Variants in KLHL32 observed in about 807,000 individuals in gnomAD.
KLHL32 encodes the protein kelch-like protein 32.
KLHL32 carries 35 observed loss-of-function variants against 64.8 expected under a neutral mutation model. The observed-to-expected ratio is 0.54, with a 90% confidence interval of 0.41 to 0.72. The LOEUF (loss-of-function observed/expected upper bound fraction) is 0.72, where lower values mean the gene tolerates loss of function less well. KLHL32 is among the 30% of genes least tolerant of loss of function. The pLI is 0.00. For synonymous variants in KLHL32, 259 were observed against 281.0 expected (o/e 0.92, Z 0.78); for missense variants, 589 against 768.5 (o/e 0.77, Z 2.76).
intron 5 of KLHL32, among the ~76,000 whole-genome samples, chr6:97,072,923 C>A (rs879476074): frequency 3.9e-5 from 6 of 152,144 alleles, no homozygotes; most frequent in South Asian, 2.1e-4. Context: ...GTTACTTAAC[C>A]TCTTTGCCCC....
chr6:96,964,625 C>T (rs542632041), intron 1 of KLHL32, among the ~76,000 whole-genome samples: 2 of 152,280 alleles, frequency 1.3e-5, no homozygotes, highest in South Asian at 4.1e-4. Flanking sequence ...TGCAGTCCAG[C>T]CTGGGCGACA....
intron 8 of KLHL32, among the ~76,000 whole-genome samples, chr6:97,130,185 A>G (rs746768059): frequency 3.9e-5 from 6 of 152,202 alleles, no homozygotes; most frequent in Non-Finnish European, 8.8e-5. Context: ...AACATTTTTC[A>G]TGTGCATTTT....
intron 3 of KLHL32, among the ~76,000 whole-genome samples, chr6:97,004,093 G>A (rs1306090664): frequency 1.3e-5 from 2 of 152,154 alleles, no homozygotes; most frequent in African/African-American, 2.4e-5. Flanking sequence ...TAACAATATT[G>A]ATTCTTCCTA....
chr6:97,105,157 G>A (rs1419843029), intron 6 of KLHL32, among the ~76,000 whole-genome samples: 2 of 152,020 alleles, frequency 1.3e-5, no homozygotes, highest in Non-Finnish European at 1.5e-5. Flanking sequence ...AGAATTCAAG[G>A]CATTATAAAA....
chr6:96,920,571 T>TACAC (rs141229379), upstream of KLHL32, among the ~76,000 whole-genome samples: 23 of 150,070 alleles, frequency 1.5e-4, no homozygotes, highest in Non-Finnish European at 2.2e-4. Context: ...CACACACAAT[T>TACAC]ACACACACAC....
intron 1 of KLHL32, among the ~76,000 whole-genome samples, chr6:96,951,494 G>T (rs894065177): frequency 6.6e-6 from 1 of 152,026 alleles, no homozygotes; most frequent in Non-Finnish European, 1.5e-5. Flanking sequence ...TGGACAGTGC[G>T]CCACCCCACA....
At chr6:96,937,968 T>A (rs561157772) in intron 1 of KLHL32, among the ~76,000 whole-genome samples, 16 of 152,368 alleles carry the variant, frequency 1.1e-4, no homozygotes, top group African/African-American at 3.1e-4. Flanking sequence ...CCGTGTCTCC[T>A]TCTCAGACTC....
chr6:97,083,859 A>C (rs1452929500), intron 5 of KLHL32, among the ~76,000 whole-genome samples: 1 of 152,176 alleles, frequency 6.6e-6, no homozygotes, highest in Non-Finnish European at 1.5e-5. Flanking sequence ...CATCACGTTA[A>C]TGGAAAATTT....
chr6:97,135,267 A>G (rs982032332), intron 10 of KLHL32, among the ~76,000 whole-genome samples: 2 of 149,818 alleles, frequency 1.3e-5, no homozygotes, highest in African/African-American at 4.9e-5. Flanking sequence ...TGGCTGGCAC[A>G]CTGGTCCTAC....
intron 6 of KLHL32, among the ~76,000 whole-genome samples, chr6:97,111,687 A>T (rs114232674): frequency 3.5e-4 from 53 of 152,272 alleles, no homozygotes; most frequent in Middle Eastern, 3.4e-3. Flanking sequence ...AGCTCAGTGG[A>T]GGGTCACCCT....
chr6:96,964,639 C>A (rs556163734), intron 1 of KLHL32, among the ~76,000 whole-genome samples: 204 of 152,174 alleles, frequency 1.3e-3, no homozygotes, highest in African/African-American at 4.7e-3. Flanking sequence ...GGCGACAGAG[C>A]GAAACCCTGT....
rs901798783 is a variant in KLHL32, at chr6:96,952,246, T to A, written c.-65-14750T>A. 1.3e-5 allele frequency among the ~76,000 whole-genome samples: 2 copies of A among 152,228 alleles called. 1 individual carries two copies. The highest frequency in any genetic ancestry group is 4.1e-4 in the South Asian group (2 of 4,834). On this transcript the variant is annotated intron_variant, in intron 1 of 10. Transcript: ENST00000369261. Reference sequence around the variant, plus strand: ...TTATCTTACTTGTTTTTATTAATGTTTCTTAAATGTATGTATAGCTCATAT... The same window carrying A: ...TTATCTTACTTGTTTTTATTAATGTATCTTAAATGTATGTATAGCTCATAT...
intron 3 of KLHL32, among the ~76,000 whole-genome samples, chr6:97,036,064 C>T (rs1737630): frequency 0.15 from 23,517 of 151,900 alleles, 2,262 homozygotes; most frequent in African/African-American, 0.28. Context: ...TAATTTTAAA[C>T]GACCAGTATT....
the KLHL32 span, among the ~76,000 whole-genome samples, chr6:96,902,741 A>G: frequency 6.6e-6 from 1 of 152,242 alleles, no homozygotes; most frequent in Admixed American, 6.5e-5. Context: ...TCAGTCTGTA[A>G]TCCATCTTGA....
At chr6:96,918,063 C>T in the KLHL32 span, among the ~76,000 whole-genome samples, 1 of 152,096 alleles carries the variant, frequency 6.6e-6, no homozygotes, top group Non-Finnish European at 1.5e-5. Flanking sequence ...CCCTGAGGGA[C>T]AAAATCACCT....
intron 3 of KLHL32, among the ~76,000 whole-genome samples, chr6:96,986,285 G>A (rs527899978): frequency 2.0e-5 from 3 of 151,622 alleles, no homozygotes; most frequent in Non-Finnish European, 2.9e-5. Context: ...TGCCCCTAAT[G>A]GGGGGGGCCT....
In KLHL32 at chr6:97,132,693, A is replaced by T. The variant is rs372930745; in HGVS notation, c.1647A>T (p.Ile549=). 1 of 1,613,286 alleles carries T rather than the reference A, an allele frequency of 6.2e-7. No individual in the cohort carries two copies. The highest frequency in any genetic ancestry group is 2.2e-5 in the East Asian group (1 of 44,820). Residue 549 remains isoleucine, a synonymous_variant, in exon 10 of 11, where the codon ATA becomes ATT. Transcript: ENST00000369261. ...GAGTTGCTGTCCATAATGGGAGAATATATTTAGTTGGTGGATATTCAATTT... is the reference window on the plus strand; with the variant it reads ...GAGTTGCTGTCCATAATGGGAGAATTTATTTAGTTGGTGGATATTCAATTT... ...ESGVAVHNGR[I]YLVGGYSIWT...
chr6:97,071,400 C>T (rs1401959836), intron 5 of KLHL32, among the ~76,000 whole-genome samples: 1 of 152,210 alleles, frequency 6.6e-6, no homozygotes, highest in African/African-American at 2.4e-5. Flanking sequence ...TTTTCAATAC[C>T]TTTACAAGTG....
At chr6:96,988,848 G>A (rs1396307457) in intron 3 of KLHL32, among the ~76,000 whole-genome samples, 19 of 152,160 alleles carry the variant, frequency 1.2e-4, no homozygotes, top group South Asian at 6.2e-4. Flanking sequence ...GCAAACTGTT[G>A]CAAGGACAAA....
Sources: gnomAD v4.1 joint callset for allele counts (sites outside exome capture counted in the v4.1 genomes callset) on GRCh38, gnomAD v4.1.1 for gene constraint, MANE v1.5 for transcripts, NCBI Gene and HGNC (gene_info 2026-07-23, HGNC 2026-07-21) for gene names.